Variants in ELP2 observed in about 807,000 individuals in gnomAD.
ELP2 encodes the protein elongator complex protein 2.
ELP2 carries 90 observed loss-of-function variants against 119.2 expected under a neutral mutation model. The ratio of observed to expected loss-of-function variants is 0.75; its 90% CI spans 0.64 to 0.90. The LOEUF (loss-of-function observed/expected upper bound fraction) is 0.90, where lower values mean the gene tolerates loss of function less well. ELP2 is among the 40% of genes least tolerant of loss of function. The pLI, the probability that ELP2 is intolerant of heterozygous loss-of-function variation, is 0.00. For synonymous variants in ELP2, 339 were observed against 331.0 expected (o/e 1.02, Z -0.26); for missense variants, 921 against 967.8 (o/e 0.95, Z 0.64).
At chr18:36,142,184 A>C in intron 6 of ELP2, 97 bp from the exon 7 acceptor site, 1 of 948,496 alleles carries the variant, frequency 1.1e-6, no homozygotes, top group African/African-American at 1.6e-5. Flanking sequence ...TCAGTAAAAG[A>C]GCAACGCAGT....
At position 36,171,156 on chromosome 18, in the gene ELP2, C is replaced by T. The variant is rs1335234370; in HGVS notation, c.2320C>T (p.Gln774Ter). ...NDWTHCVETS[Q>*]SQSHTLAIRK... ...CTGGACCCACTGTGTAGAAACAAGT[C>T]AAAGGTATTTCTTTCCTATTTTTGT... The change falls in exon 21 of 22, where the codon CAA becomes TAA. Residue 774 changes from glutamine to a stop codon, truncating the protein, a stop_gained. Transcript: ENST00000358232. LOFTEE classifies it high-confidence loss of function. 1.4e-5 allele frequency: 22 copies of T among 1,608,620 alleles called. No individual in the cohort carries two copies. Among genetic ancestry groups the T allele is most frequent in the Non-Finnish European group, 1.9e-5 (22 of 1,175,356 alleles).
intron 20 of ELP2, among the ~76,000 whole-genome samples, chr18:36,170,607 C>T (rs959039810): frequency 6.6e-6 from 1 of 152,152 alleles, no homozygotes; most frequent in Non-Finnish European, 1.5e-5. Context: ...TGCCACCGTG[C>T]CTGGCCTGAG....
intron 17 of ELP2, 109 bp downstream of exon 17, chr18:36,161,113 G>T: frequency 1.3e-6 from 1 of 786,506 alleles, no homozygotes; most frequent in South Asian, 1.4e-5. Flanking sequence ...GGCCACTAGT[G>T]CTTGGTTTTT....
chr18:36,136,889 C>T (rs2089844561), intron 3 of ELP2, among the ~76,000 whole-genome samples: 1 of 152,174 alleles, frequency 6.6e-6, no homozygotes. Context: ...AGACTCTTCT[C>T]AGTGCTACCC....
At chr18:36,149,459 C>T (rs1052905485) in intron 11 of ELP2, among the ~76,000 whole-genome samples, 41 of 140,840 alleles carry the variant, frequency 2.9e-4, no homozygotes, top group Non-Finnish European at 5.8e-4. Flanking sequence ...GACTTAGAAA[C>T]ATAGTTGCAG....
chr18:36,148,086 G>A (rs1403892514), intron 11 of ELP2, among the ~76,000 whole-genome samples: 5 of 143,184 alleles, frequency 3.5e-5, no homozygotes, highest in Non-Finnish European at 7.6e-5. Context: ...ACCCTCTCAT[G>A]GTCAGGTTTT....
chr18:36,146,457 A>G (rs117106886), intron 11 of ELP2, 76 bp downstream of exon 11: 1 of 1,515,960 alleles, frequency 6.6e-7, no homozygotes, highest in Non-Finnish European at 9.1e-7. Context: ...TTTGCTTATA[A>G]CACTCTACAG....
intron 13 of ELP2, chr18:36,158,530 C>A: frequency 3.7e-6 from 1 of 273,752 alleles, no homozygotes; most frequent in Non-Finnish European, 7.1e-6. Flanking sequence ...ACCCTGAAAC[C>A]CATTGAAATG....
chr18:36,132,101 G>A (rs1266221743), intron 1 of ELP2, among the ~76,000 whole-genome samples: 2 of 152,008 alleles, frequency 1.3e-5, no homozygotes, highest in Non-Finnish European at 2.9e-5. Context: ...AGTAGAGACA[G>A]GTTTTACCAC....
intron 14 of ELP2, 95 bp downstream of exon 14, chr18:36,158,999 G>C: frequency 1.1e-6 from 1 of 878,864 alleles, no homozygotes. Flanking sequence ...TGTTACAGCT[G>C]ATTTTTTTTT....
At chr18:36,136,681 A>T (rs17739822) in intron 3 of ELP2, 20,057 of 313,366 alleles carry the variant, frequency 0.064, 844 homozygotes, top group East Asian at 0.16. Context: ...TATGAAGTTA[A>T]TCTTGCTCAT....
intron 18 of ELP2, chr18:36,165,357 A>G (rs1183389484): frequency 2.6e-5 from 4 of 151,560 alleles, no homozygotes; most frequent in South Asian, 2.1e-4. Context: ...CTTTTGGTGG[A>G]TAAGTTCTAG....
At chr18:36,151,201 C>T (rs910011575) in intron 11 of ELP2, among the ~76,000 whole-genome samples, 6 of 151,938 alleles carry the variant, frequency 3.9e-5, no homozygotes, top group African/African-American at 1.4e-4. Flanking sequence ...CCTCCCACCT[C>T]CACCTCCCGA....
chr18:36,164,387 C>T lies in ELP2; in HGVS notation c.1762-88C>T, dbSNP rs544324804. 52 of 1,252,018 alleles carry T rather than the reference C, an allele frequency of 4.2e-5. No homozygotes were observed. The South Asian group carries it at 5.6e-4, about 13-fold the overall frequency. 77.6% of individuals were successfully genotyped at this position (1,252,018 alleles called of 1,614,324 possible). ...AATTCAAACAGATAAATAAAATATA[C>T]TCATAGAAACAATGTGTTGTTTTTA... On this transcript the variant is annotated intron_variant, in intron 17 of 21. Transcript: ENST00000358232.
chr18:36,160,070 T>C, intron 16 of ELP2, 55 bp downstream of exon 16: 1 of 1,549,406 alleles, frequency 6.5e-7, no homozygotes. Context: ...CTTCTGACTT[T>C]TCCTCCCCAC....
chr18:36,175,765 G>C lies in ELP2; in HGVS notation c.*1124G>C, dbSNP rs1169022842. On this transcript the variant is annotated 3_prime_UTR_variant, in exon 22 of 22. Transcript: ENST00000358232. ...GGAAGACATGGGAAGTATTGTGAAG[G>C]CTGGTGTGAGCAGGGGACTACTCCA... is the stretch of plus-strand genomic sequence containing the variant. The C allele has an allele frequency of 6.6e-6, 1 of 152,256 alleles. No homozygotes were observed. Among genetic ancestry groups the C allele is most frequent in the Admixed American group, 6.5e-5 (1 of 15,278 alleles). The allele number at this position is 152,256 out of a possible 1,614,324, so 9.4% of individuals were successfully genotyped here.
At chr18:36,131,929 G>A in intron 1 of ELP2, among the ~76,000 whole-genome samples, 1 of 130,718 alleles carries the variant, frequency 7.7e-6, no homozygotes, top group Non-Finnish European at 1.6e-5. Flanking sequence ...TGCTGGTCGG[G>A]CTTTTTTTTT....
intron 11 of ELP2, among the ~76,000 whole-genome samples, chr18:36,147,468 G>A (rs2090244845): frequency 6.6e-6 from 1 of 152,052 alleles, no homozygotes; most frequent in Admixed American, 6.5e-5. Context: ...AGGTTGGAGT[G>A]CAGTGGTGTG....
chr18:36,171,802 C>T lies in ELP2; in HGVS notation c.2324+642C>T, dbSNP rs137979404. Among the ~76,000 whole-genome samples, 168 of 152,322 alleles carry T rather than the reference C, an allele frequency of 1.1e-3. No individual in the cohort carries two copies. The Middle Eastern group carries it at 0.014, about 12-fold the overall frequency. On this transcript the variant is annotated intron_variant, in intron 21 of 21. Coordinates refer to ENST00000358232, the MANE Select transcript of ELP2 (RefSeq NM_018255.4). ...CAAGATCCCAGCTCACTGCAACCTC[C>T]GCCTCCCAGGCTCAATCAGTCTTCC... is the stretch of plus-strand genomic sequence containing the variant.
Sources: gnomAD v4.1 joint callset for allele counts (sites outside exome capture counted in the v4.1 genomes callset) on GRCh38, gnomAD v4.1.1 for gene constraint, MANE v1.5 for transcripts, NCBI Gene and HGNC (gene_info 2026-07-23, HGNC 2026-07-21) for gene names.